The following HIVEP2 variants were observed in gnomAD, a reference collection of about 807,000 sequenced individuals.
HIVEP2 encodes transcription factor HIVEP2.
Under a neutral mutation model 180.7 loss-of-function variants are expected in HIVEP2, and 14 were observed. The observed-to-expected ratio is 0.08, with a 90% CI of 0.05 to 0.12. The LOEUF is 0.12. Among genes scored for constraint, HIVEP2 ranks in the 10% least tolerant of loss-of-function variants. The pLI is 1.00. For missense variants in HIVEP2, 2,579 were observed against 3,008.5 expected, an observed-to-expected ratio of 0.86 and a Z score of 3.34; for synonymous variants, 1,184 against 1,136.4, an observed-to-expected ratio of 1.04 and a Z score of -0.84.
intron 6 of HIVEP2, among the ~76,000 whole-genome samples, chr6:142,768,171 T>C (rs565601006): frequency 6.6e-6 from 1 of 152,182 alleles, no homozygotes; most frequent in Non-Finnish European, 1.5e-5. Flanking sequence ...TTGAATGATA[T>C]CCATTAGGGA....
At chr6:142,775,150 G>A in intron 4 of HIVEP2, 25 bp from the exon 5 acceptor site, 1 of 816,296 alleles carries the variant, frequency 1.2e-6, no homozygotes, top group Non-Finnish European at 1.5e-6. Flanking sequence ...AATACAAAGA[G>A]ATTGTCATAA....
At chr6:142,812,094 C>T (rs764627713) in intron 2 of HIVEP2, among the ~76,000 whole-genome samples, 5 of 152,082 alleles carry the variant, frequency 3.3e-5, no homozygotes, top group African/African-American at 4.8e-5. Flanking sequence ...CAGCAGTCCC[C>T]GAGTGGAGGA....
Position 142,828,301 on chromosome 6 carries a change from A to G in HIVEP2, c.-528+8634T>C, listed in dbSNP as rs1008004586. On this transcript the variant is annotated intron_variant, in intron 2 of 9. Coordinates refer to ENST00000367603, the MANE Select transcript of HIVEP2 (RefSeq NM_006734.4). ...TTGGAATCTTTTATCTGATCTTCAA[A>G]GCCCAGACAAAGTGTTTTCCCCCAA... 5.3e-5 allele frequency among the ~76,000 whole-genome samples: 8 copies of G among 152,164 alleles called. No homozygotes were observed. The East Asian group carries it at 1.4e-3, about 26-fold the overall frequency.
At chr6:142,805,140 G>A (rs1045305065) in intron 2 of HIVEP2, among the ~76,000 whole-genome samples, 4 of 152,072 alleles carry the variant, frequency 2.6e-5, no homozygotes, top group African/African-American at 9.7e-5. Context: ...AGGAGAAGAT[G>A]GGCTGTAAAC....
At chr6:142,868,645 A>G (rs563455903) in intron 1 of HIVEP2, among the ~76,000 whole-genome samples, 27 of 152,302 alleles carry the variant, frequency 1.8e-4, no homozygotes, top group African/African-American at 6.5e-4. Context: ...AGGGCAAACT[A>G]CAATACTACT....
intron 2 of HIVEP2, among the ~76,000 whole-genome samples, chr6:142,785,179 G>A (rs1582856679): frequency 1.3e-5 from 2 of 151,620 alleles, no homozygotes; most frequent in East Asian, 1.9e-4. Context: ...GTGAGCCACC[G>A]TGCCCGGCCA....
chr6:142,896,676 CA>C (rs1414147627), intron 1 of HIVEP2, among the ~76,000 whole-genome samples: 1 of 152,140 alleles, frequency 6.6e-6, no homozygotes, highest in African/African-American at 2.4e-5. Context: ...ATGAATTTTT[CA>C]AAGAAAATTA....
chr6:142,849,187 T>C (rs1434986306), intron 1 of HIVEP2, among the ~76,000 whole-genome samples: 1 of 152,136 alleles, frequency 6.6e-6, no homozygotes, highest in African/African-American at 2.4e-5. Context: ...TTGGAGGAAG[T>C]ATGAAAAGTG....
At chr6:142,800,918 G>C (rs966420422) in intron 2 of HIVEP2, among the ~76,000 whole-genome samples, 2 of 152,104 alleles carry the variant, frequency 1.3e-5, no homozygotes, top group Middle Eastern at 3.2e-3. Context: ...TGATGTTAAT[G>C]AGTAAATAAT....
At chr6:142,875,462 A>G (rs1397836062) in intron 1 of HIVEP2, among the ~76,000 whole-genome samples, 1 of 152,186 alleles carries the variant, frequency 6.6e-6, no homozygotes, top group Non-Finnish European at 1.5e-5. Context: ...AGGGTATTAT[A>G]TAATTTATAT....
At chr6:142,809,471 T>A (rs1486893685) in intron 2 of HIVEP2, among the ~76,000 whole-genome samples, 3 of 152,172 alleles carry the variant, frequency 2.0e-5, no homozygotes, top group Non-Finnish European at 4.4e-5. Context: ...GCTTTGCTCA[T>A]CTCTGTGACC....
chr6:142,868,911 T>G (rs1013778715), intron 1 of HIVEP2, among the ~76,000 whole-genome samples: 1 of 152,202 alleles, frequency 6.6e-6, no homozygotes, highest in Non-Finnish European at 1.5e-5. Flanking sequence ...TTTTCTCCTT[T>G]TTAGTGTAAG....
intron 2 of HIVEP2, among the ~76,000 whole-genome samples, chr6:142,800,311 C>G (rs570516391): frequency 1.3e-5 from 2 of 152,252 alleles, no homozygotes; most frequent in African/African-American, 4.8e-5. Context: ...ACTTACTAAG[C>G]ACCTCTGCCT....
chr6:142,783,792 T>C (rs930731967), intron 2 of HIVEP2, among the ~76,000 whole-genome samples, 177 bp from the exon 3 acceptor site: 9 of 152,202 alleles, frequency 5.9e-5, no homozygotes, highest in East Asian at 1.9e-4. Context: ...TCTTTTAACA[T>C]AGTTTAAATC....
chr6:142,880,889 G>T (rs1371235549), intron 1 of HIVEP2, among the ~76,000 whole-genome samples: 1 of 152,084 alleles, frequency 6.6e-6, no homozygotes, highest in African/African-American at 2.4e-5. Context: ...AGCAGTTCTG[G>T]TCTCAGTTAC....
chr6:142,770,719 C>G lies in HIVEP2; in HGVS notation c.4020G>C (p.Thr1340=), dbSNP rs186721048. The G allele has an allele frequency of 3.1e-6, 5 of 1,614,126 alleles. No homozygotes were observed. The highest frequency in any genetic ancestry group is 4.2e-6 in the Non-Finnish European group (5 of 1,179,998). ...PGTVVPVRIQ[T]HVPSYGSVMY... ...TGACACTTCCATAGGATGGTACGTG[C>G]GTCTGGATCCGAACAGGAACCACTG... Residue 1340 remains threonine (T), a synonymous_variant, in exon 5 of 10, where the codon ACG becomes ACC. Coordinates refer to ENST00000367603, the MANE Select transcript of HIVEP2 (RefSeq NM_006734.4). This position sits in a 1 kb window ranked among gnomAD's most constrained non-coding sequence, Gnocchi z 4.7.
intron 1 of HIVEP2, among the ~76,000 whole-genome samples, chr6:142,918,587 T>C (rs941821312): frequency 6.6e-6 from 1 of 152,222 alleles, no homozygotes; most frequent in South Asian, 2.1e-4. Context: ...CATGAGATCA[T>C]GCCAAGCTGA....
intron 1 of HIVEP2, among the ~76,000 whole-genome samples, chr6:142,939,827 A>G (rs1211816215): frequency 1.3e-5 from 2 of 152,216 alleles, no homozygotes; most frequent in African/African-American, 4.8e-5. Context: ...GAACTACTAC[A>G]TAAAATAGAC....
intron 1 of HIVEP2, among the ~76,000 whole-genome samples, chr6:142,853,254 G>A (rs755494988): frequency 6.6e-6 from 1 of 152,096 alleles, no homozygotes; most frequent in Non-Finnish European, 1.5e-5. Flanking sequence ...CAGCTTGTCT[G>A]CCCTCTGAGC....
Sources: allele counts gnomAD v4.1 joint callset (sites outside exome capture counted in the v4.1 genomes callset), GRCh38; gene constraint gnomAD v4.1.1; non-coding constraint Gnocchi (gnomAD v3.1); transcripts MANE v1.5; gene names NCBI Gene and HGNC (gene_info 2026-07-23, HGNC 2026-07-21).